WIPF1: variants seen among roughly 807,000 people sequenced by gnomAD.
WIPF1 encodes WAS/WASL interacting protein family member 1.
A neutral mutation model predicts 35.4 loss-of-function variants in WIPF1; 13 were observed. The ratio of observed to expected loss-of-function variants is 0.37; its 90% confidence interval spans 0.24 to 0.58. The LOEUF (loss-of-function observed/expected upper bound fraction) is 0.58, where lower values mean the gene tolerates loss of function less well. Ranked by LOEUF, WIPF1 falls within the 20% of genes least tolerant of loss-of-function variation. WIPF1 has a pLI of 0.74. For synonymous variants in WIPF1, 267 were observed against 266.3 expected, an observed-to-expected ratio of 1.00 and a Z score of -0.02; for missense variants, 591 against 667.0, an observed-to-expected ratio of 0.89 and a Z score of 1.25.
rs144552964 is a variant in WIPF1 at position 174,647,179 on chromosome 2, C to T, written c.-39+35595G>A. ...TTTAAACCAGGAGTTCAAGACTGGC[C>T]TGGGCAGCAGAGCGACATCCTGTCT... is the stretch of plus-strand genomic sequence containing the variant. On this transcript the variant is annotated intron_variant, in intron 1 of 8. Coordinates refer to the WIPF1 transcript ENST00000272746. 7.1e-4 allele frequency among the ~76,000 whole-genome samples: 108 copies of T among 151,842 alleles called. 1 individual carries two copies. Among genetic ancestry groups the T allele is most frequent in the African/African-American group, 2.3e-3 (95 of 41,360 alleles).
At chr2:174,614,327 G>A (rs1459178008) in intron 1 of WIPF1, among the ~76,000 whole-genome samples, 4 of 152,096 alleles carry the variant, frequency 2.6e-5, no homozygotes, top group Admixed American at 6.5e-5. Flanking sequence ...ATGTTCAAAG[G>A]CTTTTCGGAT....
At chr2:174,651,773 A>G (rs1687538721) in intron 1 of WIPF1, among the ~76,000 whole-genome samples, 1 of 152,224 alleles carries the variant, frequency 6.6e-6, no homozygotes, top group Non-Finnish European at 1.5e-5. Context: ...TAAAACCACT[A>G]CCATTTCATT....
intron 1 of WIPF1, among the ~76,000 whole-genome samples, chr2:174,669,221 G>C (rs1020455142): frequency 6.6e-6 from 1 of 152,204 alleles, no homozygotes; most frequent in African/African-American, 2.4e-5. Flanking sequence ...ACAGTACCCA[G>C]ACAGTGAATC....
intron 1 of WIPF1, among the ~76,000 whole-genome samples, chr2:174,624,201 T>C (rs547150050): frequency 3.3e-4 from 50 of 152,206 alleles, no homozygotes; most frequent in Non-Finnish European, 6.0e-4. Flanking sequence ...AACTGAACTA[T>C]GGGAGCAAAC....
At position 174,643,559 on chromosome 2, in the gene WIPF1, C is replaced by T. The variant is rs911174261; in HGVS notation, c.-39+39215G>A. On this transcript the variant is annotated intron_variant, in intron 1 of 8. Coordinates refer to the WIPF1 transcript ENST00000272746. The stretch of plus-strand genomic sequence containing the variant: ...TCCCAAGTAGCTGGAATTACAGGCA[C>T]GCAACACCAAGCTGGCTAATTTTTG... Among the ~76,000 whole-genome samples the T allele has an allele frequency of 4.7e-5, 7 of 148,590 alleles. 1 individual carries two copies. The highest frequency in any genetic ancestry group is 1.9e-4 in the East Asian group (1 of 5,168).
At chr2:174,680,635 C>T (rs767134308) in intron 1 of WIPF1, among the ~76,000 whole-genome samples, 1 of 152,168 alleles carries the variant, frequency 6.6e-6, no homozygotes, top group Non-Finnish European at 1.5e-5. Context: ...CTTGAAATAG[C>T]AAAGACAATG....
At chr2:174,576,738 C>G (rs1685076982) in intron 3 of WIPF1, among the ~76,000 whole-genome samples, 1 of 152,280 alleles carries the variant, frequency 6.6e-6, no homozygotes. Flanking sequence ...CTCTGAAAGG[C>G]ATAGAAAACT....
At position 174,587,750 on chromosome 2, in the gene WIPF1, T is replaced by C. The variant is rs527853953; in HGVS notation, c.-38-2139A>G. ...AATTAAATCACTCCCTAAAACACCC[T>C]GAAGCAATTCATTCAGTCATGTCCT... is the stretch of plus-strand genomic sequence containing the variant. On this transcript the variant is annotated intron_variant, in intron 1 of 7. Coordinates refer to ENST00000679041, the MANE Select transcript of WIPF1 (RefSeq NM_001375834.1). The C allele has an allele frequency of 5.3e-5, 8 of 152,346 alleles. No homozygotes were observed. In the East Asian group the frequency reaches 1.4e-3, roughly 26 times the overall value. 9.4% of individuals were successfully genotyped at this position (152,346 alleles called of 1,614,324 possible). A position where few individuals can be genotyped will look rare whatever the true frequency, so the allele number is the denominator to read the frequency against.
At chr2:174,610,577 G>T (rs1686310557) in intron 1 of WIPF1, among the ~76,000 whole-genome samples, 1 of 152,092 alleles carries the variant, frequency 6.6e-6, no homozygotes, top group South Asian at 2.1e-4. Flanking sequence ...GTCTCTCCCT[G>T]CCTCACCCCC....
rs1463923669 is a variant in WIPF1 at position 174,567,102 on chromosome 2, T to C, written c.1424A>G (p.Tyr475Cys). 1 of 1,614,262 alleles carries C rather than the reference T, an allele frequency of 6.2e-7. No homozygotes were observed. Among genetic ancestry groups the C allele is most frequent in the East Asian group, 2.2e-5 (1 of 44,886 alleles). ...TTCGTTTCTTGCCAGTTTGCTGGGA[T>C]AACTTTTGGTCGTTTGTACATATGG... ...PEPYVQTTKS[Y>C]PSKLARNESR... Residue 475 changes from tyrosine to cysteine, a missense_variant, in exon 7 of 8, where the codon TAT becomes TGT. This residue lies in a region of WIPF1 where 117 missense variants were observed against 149.6 expected (regional missense o/e 0.78). Coordinates refer to ENST00000679041, the MANE Select transcript of WIPF1 (RefSeq NM_001375834.1).
intron 1 of WIPF1, among the ~76,000 whole-genome samples, chr2:174,595,106 AAAAATATATATATAT>A (rs1253175282): frequency 2.3e-5 from 1 of 42,966 alleles, no homozygotes; most frequent in Non-Finnish European, 4.5e-5. Flanking sequence ...AAAAAAAAAA[AAAAATATATATATAT>A]ATATATATAT....
At chr2:174,674,191 C>T (rs560835128) in intron 1 of WIPF1, among the ~76,000 whole-genome samples, 2 of 152,196 alleles carry the variant, frequency 1.3e-5, no homozygotes, top group African/African-American at 2.4e-5. Context: ...GAGCAATGAG[C>T]GCAAGGACTT....
At chr2:174,585,777 C>T (rs867458213) in intron 1 of WIPF1, among the ~76,000 whole-genome samples, 166 bp from the exon 2 acceptor site, 3 of 152,186 alleles carry the variant, frequency 2.0e-5, no homozygotes, top group Non-Finnish European at 4.4e-5. Flanking sequence ...CTGGAAGGAT[C>T]CCGGCAGAGG....
At chr2:174,588,292 A>T (rs148100779) in intron 1 of WIPF1, among the ~76,000 whole-genome samples, 1 of 152,182 alleles carries the variant, frequency 6.6e-6, no homozygotes, top group East Asian at 1.9e-4. Context: ...AAATCCCTCA[A>T]GACTATTTTG....
chr2:174,672,616 G>A (rs890860381), intron 1 of WIPF1, among the ~76,000 whole-genome samples: 32 of 152,246 alleles, frequency 2.1e-4, no homozygotes, highest in African/African-American at 5.8e-4. Flanking sequence ...ATCAGGCTTC[G>A]GCTCCTCAGG....
chr2:174,571,681 C>A lies in WIPF1; in HGVS notation c.1124G>T (p.Arg375Leu). 1.2e-6 allele frequency: 2 copies of A among 1,614,174 alleles called. No homozygotes were observed. Residue 375 changes from arginine (R) to leucine (L), a missense_variant, in exon 5 of 8, where the codon CGA becomes CTA. By Grantham distance (102) the Arg-to-Leu change is moderately radical (BLOSUM62 -2). Coordinates refer to ENST00000679041, the MANE Select transcript of WIPF1 (RefSeq NM_001375834.1). This position sits in a 1 kb window ranked among gnomAD's most constrained non-coding sequence, Gnocchi z 4.6. ...CACTCCACGTCTTGTCATACCTGAT[C>A]GGCCTGGCGGGTCCCTCACTGGAGG... ...PPPPVRDPPG[R>L]SGPLPPPPPV...
At chr2:174,595,109 AATATAT>A (rs1158052520) in intron 1 of WIPF1, among the ~76,000 whole-genome samples, 17 of 57,742 alleles carry the variant, frequency 2.9e-4, no homozygotes, top group African/African-American at 1.2e-3. Context: ...AAAAAAAAAA[AATATAT>A]ATATATATAT....
intron 1 of WIPF1, among the ~76,000 whole-genome samples, 165 bp from the exon 2 acceptor site, chr2:174,585,776 T>C (rs918701408): frequency 1.3e-5 from 2 of 152,154 alleles, no homozygotes; most frequent in African/African-American, 4.8e-5. Flanking sequence ...TCTGGAAGGA[T>C]CCCGGCAGAG....
At chr2:174,636,068 A>C (rs904026670) in intron 1 of WIPF1, among the ~76,000 whole-genome samples, 3 of 152,242 alleles carry the variant, frequency 2.0e-5, no homozygotes, top group African/African-American at 7.2e-5. Context: ...CATTAACTTT[A>C]ACATAGGAAT....
Sources: allele counts gnomAD v4.1 joint callset (sites outside exome capture counted in the v4.1 genomes callset), GRCh38; gene constraint gnomAD v4.1.1; regional missense constraint gnomAD v4.1.1; non-coding constraint Gnocchi (gnomAD v3.1); transcripts MANE v1.5; gene names NCBI Gene and HGNC (gene_info 2026-07-23, HGNC 2026-07-21).